The following ARRDC5 variants were observed in gnomAD, a reference collection of about 807,000 sequenced individuals.
The protein encoded by ARRDC5 is arrestin domain containing 5.
A neutral mutation model predicts 13.3 loss-of-function variants in ARRDC5; 12 were observed. The ratio of observed to expected loss-of-function variants is 0.90; its 90% CI spans 0.58 to 1.46. The LOEUF (loss-of-function observed/expected upper bound fraction) is 1.46. ARRDC5 is among the 40% of genes most tolerant of loss of function. The pLI is 0.00. For missense variants in ARRDC5, 406 were observed against 418.7 expected, an observed-to-expected ratio of 0.97 and a Z score of 0.26; for synonymous variants, 181 against 173.4, an observed-to-expected ratio of 1.04 and a Z score of -0.34.
At chr19:4,912,172 G>A in the ARRDC5 span, among the ~76,000 whole-genome samples, 1 of 152,180 alleles carries the variant, frequency 6.6e-6, no homozygotes, top group East Asian at 1.9e-4. Context: ...CCCGGGAGGA[G>A]GCGATCTGGA....
chr19:4,910,953 C>A, the ARRDC5 span: 1 of 1,613,522 alleles, frequency 6.2e-7, no homozygotes, highest in Non-Finnish European at 8.5e-7. Context: ...TCCAGGCTGA[C>A]CAAGGTGGAG....
intron 2 of ARRDC5, among the ~76,000 whole-genome samples, chr19:4,896,361 TACACACACA>T (rs1273602133): frequency 7.1e-5 from 6 of 84,958 alleles, no homozygotes; most frequent in African/African-American, 3.4e-4. Context: ...TTTTTTTTTT[TACACACACA>T]CACACACACA....
rs199933763 is a variant in ARRDC5, at chr19:4,891,195, C to T, written c.838G>A (p.Glu280Lys). Residue 280 changes from glutamate (E) to lysine (K), a missense_variant, in exon 3 of 3, where the codon GAG (glutamate) becomes AAG (lysine). Glu to Lys is a moderately conservative substitution (Grantham distance 56). Transcript: ENST00000650722. Reference sequence around the variant, plus strand: ...GGCAGGTGCACGGTGGTGACCAGCTCGTAGCGAGTGTGCATGATCTCACCG... The same window carrying T: ...GGCAGGTGCACGGTGGTGACCAGCTTGTAGCGAGTGTGCATGATCTCACCG... Reference protein sequence around the residue: ...QDGEIMHTRYELVTTVHLPWS... With the variant: ...QDGEIMHTRYKLVTTVHLPWS... 305 of 1,613,792 alleles carry T rather than the reference C, an allele frequency of 1.9e-4. No homozygotes were observed. The highest frequency in any genetic ancestry group is 1.6e-4 in the Middle Eastern group (1 of 6,062).
the ARRDC5 span, among the ~76,000 whole-genome samples, chr19:4,914,555 T>C: frequency 6.6e-6 from 1 of 152,108 alleles, no homozygotes; most frequent in African/African-American, 2.4e-5. Context: ...GTGATGTCAC[T>C]TGATGGGCGG....
chr19:4,896,368 A>ACACC (rs2031731336), intron 2 of ARRDC5, among the ~76,000 whole-genome samples: 1 of 99,012 alleles, frequency 1.0e-5, no homozygotes, highest in Non-Finnish European at 2.0e-5. Flanking sequence ...TTTTACACAC[A>ACACC]CACACACACA....
intron 1 of ARRDC5, among the ~76,000 whole-genome samples, chr19:4,900,977 C>T (rs1337130617): frequency 6.6e-6 from 1 of 151,884 alleles, no homozygotes; most frequent in East Asian, 1.9e-4. Context: ...CAAGATTACG[C>T]CACTGCACTC....
chr19:4,909,595 A>C, the ARRDC5 span: 1 of 647,254 alleles, frequency 1.5e-6, no homozygotes, highest in Non-Finnish European at 2.8e-6. Flanking sequence ...ACGCGGTTTC[A>C]TCGCCATCCC....
At chr19:4,900,445 G>T (rs928783484) in intron 1 of ARRDC5, among the ~76,000 whole-genome samples, 1 of 152,060 alleles carries the variant, frequency 6.6e-6, no homozygotes, top group Non-Finnish European at 1.5e-5. Context: ...AGCATTTACT[G>T]TATACCTGGC....
At chr19:4,894,294 A>G (rs1022158029) in intron 2 of ARRDC5, among the ~76,000 whole-genome samples, 1 of 149,240 alleles carries the variant, frequency 6.7e-6, no homozygotes. Context: ...GGCGGATCAC[A>G]AGGTCAGGAG....
upstream of ARRDC5, among the ~76,000 whole-genome samples, chr19:4,904,543 GACCTCATGA>G (rs2032025395): frequency 1.3e-5 from 2 of 151,876 alleles, no homozygotes; most frequent in Admixed American, 6.6e-5. Context: ...TTGAACTCCT[GACCTCATGA>G]TCCACCCGCC....
chr19:4,911,100 C>T, the ARRDC5 span: 1 of 1,409,986 alleles, frequency 7.1e-7, no homozygotes, highest in South Asian at 1.6e-5. Context: ...TCTGCAGCCA[C>T]CAGCCGATAC....
At chr19:4,913,470 G>A in the ARRDC5 span, among the ~76,000 whole-genome samples, 1 of 152,006 alleles carries the variant, frequency 6.6e-6, no homozygotes, top group Non-Finnish European at 1.5e-5. Context: ...GGCCAGGCTG[G>A]TCTTGAACTC....
rs769228860 is a variant in ARRDC5 at position 4,902,723 on chromosome 19, G to C, written c.103C>G (p.Leu35Val). 2 of 1,613,908 alleles carry C rather than the reference G, an allele frequency of 1.2e-6. No individual in the cohort carries two copies. The highest frequency in any genetic ancestry group is 1.7e-6 in the Non-Finnish European group (2 of 1,179,910). The change falls in exon 1 of 3, where the codon CTG becomes GTG. Residue 35 changes from leucine to valine, a missense_variant. Physicochemically the swap from Leu to Val is conservative, Grantham distance 32. Transcript: ENST00000650722. Reference protein sequence around the residue: ...GQVILTLNSTLVDPIVKVELV... With the variant: ...GQVILTLNSTVVDPIVKVELV... The stretch of plus-strand genomic sequence containing the variant: ...TCCACCTTCACTATGGGGTCCACCA[G>C]GGTGCTGTTCAGGGTTAAGATCACC...
intron 1 of ARRDC5, among the ~76,000 whole-genome samples, chr19:4,899,193 T>C (rs1224994788): frequency 6.6e-6 from 1 of 151,470 alleles, no homozygotes; most frequent in East Asian, 2.0e-4. Context: ...GTGCCTGTAG[T>C]CCCAGCTACT....
chr19:4,890,902 A>G lies in ARRDC5; in HGVS notation c.*144T>C, dbSNP rs2656938. 209,548 of 655,318 alleles carry G rather than the reference A, an allele frequency of 0.32. 36,632 individuals are homozygous for G. Among genetic ancestry groups the G allele is most frequent in the Middle Eastern group, 0.46 (1,107 of 2,392 alleles). The allele number at this position is 655,318 out of a possible 1,614,324, so 40.6% of individuals were successfully genotyped here. A position where few individuals can be genotyped will look rare whatever the true frequency, so the allele number is the denominator to read the frequency against. On this transcript the variant is annotated 3_prime_UTR_variant, in exon 3 of 3. Coordinates refer to ENST00000650722, the MANE Select transcript of ARRDC5 (RefSeq NM_001080523.3). ...TGATAGTTCTAGGGAGGGGAGACACAGATACCTAAACCGCTAGAGCTTGGG... is the reference window on the plus strand; with the variant it reads ...TGATAGTTCTAGGGAGGGGAGACACGGATACCTAAACCGCTAGAGCTTGGG...
intron 1 of ARRDC5, among the ~76,000 whole-genome samples, chr19:4,902,178 C>T (rs1005258220): frequency 2.6e-5 from 4 of 151,962 alleles, no homozygotes; most frequent in African/African-American, 9.7e-5. Flanking sequence ...GTATGAACCA[C>T]TGTGCCTGGC....
At chr19:4,892,292 T>C (rs2031540753) in intron 2 of ARRDC5, among the ~76,000 whole-genome samples, 1 of 152,060 alleles carries the variant, frequency 6.6e-6, no homozygotes, top group Admixed American at 6.6e-5. Context: ...GGTTTCACTA[T>C]GTTGGCCAGA....
At chr19:4,910,878 C>T in the ARRDC5 span, 1 of 1,606,256 alleles carries the variant, frequency 6.2e-7, no homozygotes, top group Non-Finnish European at 8.5e-7. Context: ...CCCCTCAGCG[C>T]CGACACCATG....
upstream of ARRDC5, chr19:4,903,117 C>T: frequency 7.9e-6 from 3 of 381,478 alleles, no homozygotes; most frequent in South Asian, 5.2e-5. Context: ...ACCTCCGCCT[C>T]ATGGGTTCAA....
Sources: gnomAD v4.1 joint callset for allele counts (sites outside exome capture counted in the v4.1 genomes callset) on GRCh38, gnomAD v4.1.1 for gene constraint, MANE v1.5 for transcripts, NCBI Gene and HGNC (gene_info 2026-07-23, HGNC 2026-07-21) for gene names.